The following SLC2A13 variants were observed in gnomAD, a reference collection of about 807,000 sequenced individuals.
SLC2A13 encodes the protein solute carrier family 2 member 13.
SLC2A13 carries 32 observed loss-of-function variants against 64.4 expected under a neutral mutation model. That is an observed-to-expected ratio of 0.50 (90% confidence interval 0.37 to 0.67). The LOEUF is 0.67. SLC2A13 is among the 30% of genes least tolerant of loss of function. The probability of loss-of-function intolerance (pLI) is 0.00; values close to 1 mark genes in which losing one functional copy is unlikely to be tolerated. For missense variants in SLC2A13, 743 were observed against 829.2 expected (o/e 0.90, Z 1.28); for synonymous variants, 338 against 327.1 (o/e 1.03, Z -0.36).
intron 4 of SLC2A13, among the ~76,000 whole-genome samples, chr12:39,896,953 G>A (rs1944938242): frequency 6.6e-6 from 1 of 152,006 alleles, no homozygotes; most frequent in African/African-American, 2.4e-5. Flanking sequence ...TAATAATATG[G>A]CTTCACTTCT....
chr12:39,871,665 A>G (rs1944060506), intron 5 of SLC2A13, 133 bp downstream of exon 5: 5 of 872,992 alleles, frequency 5.7e-6, no homozygotes, highest in Non-Finnish European at 8.1e-6. Flanking sequence ...TTGGTCTAGA[A>G]GAACTCTAAT....
At chr12:39,955,014 A>G (rs1245768560) in intron 3 of SLC2A13, among the ~76,000 whole-genome samples, 2 of 152,188 alleles carry the variant, frequency 1.3e-5, no homozygotes, top group African/African-American at 4.8e-5. Context: ...ACTTGACCTA[A>G]TAAGTGACAT....
intron 3 of SLC2A13, among the ~76,000 whole-genome samples, chr12:39,951,842 T>C (rs889341700): frequency 6.6e-6 from 1 of 152,160 alleles, no homozygotes; most frequent in East Asian, 1.9e-4. Context: ...TCATGTTATT[T>C]TACTAAAGTT....
chr12:39,789,197 T>A (rs1484219174), intron 7 of SLC2A13, among the ~76,000 whole-genome samples: 1 of 152,054 alleles, frequency 6.6e-6, no homozygotes, highest in African/African-American at 2.4e-5. Flanking sequence ...CCATCATGAG[T>A]TCTGTGTTAT....
intron 7 of SLC2A13, among the ~76,000 whole-genome samples, chr12:39,805,025 A>AGAAGCCTGCTGGAGG (rs1941925470): frequency 2.7e-5 from 4 of 147,662 alleles, no homozygotes; most frequent in Non-Finnish European, 6.0e-5. Context: ...CCTGCTGGAG[A>AGAAGCCTGCTGGAGG]GAGAAGCCTG....
At chr12:39,896,241 T>TATGTATAC (rs1944844913) in intron 4 of SLC2A13, among the ~76,000 whole-genome samples, 1 of 100,982 alleles carries the variant, frequency 9.9e-6, no homozygotes, top group South Asian at 2.9e-4. Context: ...TATGTGTATA[T>TATGTATAC]ATGTATACAT....
At chr12:39,913,805 A>G (rs1450525183) in intron 4 of SLC2A13, among the ~76,000 whole-genome samples, 2 of 152,004 alleles carry the variant, frequency 1.3e-5, no homozygotes, top group African/African-American at 2.4e-5. Flanking sequence ...TTAGAAACGT[A>G]TCAAGTAGAA....
intron 6 of SLC2A13, among the ~76,000 whole-genome samples, chr12:39,855,693 A>G (rs1252196828): frequency 6.6e-6 from 1 of 152,190 alleles, no homozygotes; most frequent in East Asian, 1.9e-4. Flanking sequence ...CTAAAGTACT[A>G]TATTCTTCGA....
rs537278214 is a variant in SLC2A13, at chr12:39,794,681, A to G, written c.1446-29823T>C. On this transcript the variant is annotated intron_variant, in intron 7 of 9. Transcript: ENST00000280871. ...CATCACTTTCCTTTTTCTGTCCACAAATGTTATCCAACCATGTGGCAGCCT... is the reference window on the plus strand; with the variant it reads ...CATCACTTTCCTTTTTCTGTCCACAGATGTTATCCAACCATGTGGCAGCCT... 2.0e-5 allele frequency among the ~76,000 whole-genome samples: 3 copies of G among 152,276 alleles called. No individual in the cohort carries two copies. In the East Asian group the frequency reaches 5.8e-4, roughly 29 times the overall value.
At chr12:40,066,834 C>T (rs1427292549) in intron 1 of SLC2A13, among the ~76,000 whole-genome samples, 10 of 152,098 alleles carry the variant, frequency 6.6e-5, no homozygotes. Context: ...GAAAAGATAA[C>T]AGAGCCACAT....
At chr12:39,768,914 A>G (rs532424526) in intron 7 of SLC2A13, among the ~76,000 whole-genome samples, 8 of 152,198 alleles carry the variant, frequency 5.3e-5, no homozygotes, top group African/African-American at 1.7e-4. Flanking sequence ...GTGAAGTGCA[A>G]TGATGGCAAA....
Position 39,844,258 on chromosome 12 carries a change from A to T in SLC2A13, c.1320-14030T>A, listed in dbSNP as rs77040885. Among the ~76,000 whole-genome samples, 942 of 152,154 alleles carry T rather than the reference A, an allele frequency of 6.2e-3. 12 individuals carry two copies. Among genetic ancestry groups the T allele is most frequent in the African/African-American group, 0.021 (891 of 41,532 alleles). On this transcript the variant is annotated intron_variant, in intron 6 of 9. Transcript: ENST00000280871. Reference sequence around the variant, plus strand: ...TTTCTACTTATTGAGAACTTTTAAAAATTTCAAGGCATAGGGTAGATAGAC... The same window carrying T: ...TTTCTACTTATTGAGAACTTTTAAATATTTCAAGGCATAGGGTAGATAGAC...
intron 4 of SLC2A13, among the ~76,000 whole-genome samples, chr12:39,927,928 A>AT (rs1223097422): frequency 1.3e-5 from 2 of 152,230 alleles, no homozygotes; most frequent in Non-Finnish European, 2.9e-5. Context: ...AATTAAATGA[A>AT]TTAACTTCAA....
At chr12:39,864,948 G>T in intron 5 of SLC2A13, 66 bp from the exon 6 acceptor site, 1 of 1,414,434 alleles carries the variant, frequency 7.1e-7, no homozygotes, top group Non-Finnish European at 9.4e-7. Context: ...GACTGGGTTT[G>T]GTAAAAACAA....
At chr12:39,890,465 T>G (rs1944576173) in intron 4 of SLC2A13, among the ~76,000 whole-genome samples, 1 of 152,158 alleles carries the variant, frequency 6.6e-6, no homozygotes, top group Non-Finnish European at 1.5e-5. Context: ...CAATTGACCT[T>G]GAGACAGGGA....
chr12:39,786,733 G>A (rs1012380209), intron 7 of SLC2A13, among the ~76,000 whole-genome samples: 7 of 152,256 alleles, frequency 4.6e-5, no homozygotes, highest in African/African-American at 1.7e-4. Context: ...CAGCCTTGGT[G>A]GGTGAATCAT....
rs185878738 is a variant in SLC2A13 at position 40,058,137 on chromosome 12, C to T, written c.557-9927G>A. ...CTATAAATATATAGTAAAAACTTAA[C>T]GAAGTAAACATGCAGAAGAAAAAGG... On this transcript the variant is annotated intron_variant, in intron 1 of 9. Coordinates refer to ENST00000280871, the MANE Select transcript of SLC2A13 (RefSeq NM_052885.4). Among the ~76,000 whole-genome samples, 210 of 151,804 alleles carry T rather than the reference C, an allele frequency of 1.4e-3. 1 individual carries two copies. The highest frequency in any genetic ancestry group is 4.8e-3 in the African/African-American group (199 of 41,414).
intron 3 of SLC2A13, among the ~76,000 whole-genome samples, chr12:39,960,353 T>C (rs1946387145): frequency 6.6e-6 from 1 of 152,236 alleles, no homozygotes; most frequent in Non-Finnish European, 1.5e-5. Context: ...CCGCAAACAA[T>C]GACAGCTTTA....
At chr12:39,905,285 C>T (rs1195356475) in intron 4 of SLC2A13, among the ~76,000 whole-genome samples, 1 of 152,134 alleles carries the variant, frequency 6.6e-6, no homozygotes. Flanking sequence ...TGTCTTGCTG[C>T]TCTGGCTGCT....
Sources: allele counts gnomAD v4.1 joint callset (sites outside exome capture counted in the v4.1 genomes callset), GRCh38; gene constraint gnomAD v4.1.1; transcripts MANE v1.5; gene names NCBI Gene and HGNC (gene_info 2026-07-23, HGNC 2026-07-21).